The following HTT variants were observed in gnomAD, a reference collection of about 807,000 sequenced individuals.
HTT encodes huntington disease protein.
HTT carries 104 observed loss-of-function variants against 362.3 expected under a neutral mutation model. That is an observed-to-expected ratio of 0.29 (90% CI 0.24 to 0.34). The LOEUF is 0.34. HTT is among the 10% of genes least tolerant of loss of function. The pLI is 1.00. For synonymous variants in HTT, 1,577 were observed against 1,548.7 expected, an observed-to-expected ratio of 1.02 and a Z score of -0.43; for missense variants, 3,301 against 3,928.6, an observed-to-expected ratio of 0.84 and a Z score of 4.27.
intron 1 of HTT, among the ~76,000 whole-genome samples, chr4:3,079,059 G>A (rs895496373): frequency 2.6e-5 from 4 of 151,552 alleles, no homozygotes; most frequent in African/African-American, 7.3e-5. Context: ...CCACGCCTGG[G>A]TAATTTTTGT....
At chr4:3,219,839 C>T (rs572926328) in intron 52 of HTT, among the ~76,000 whole-genome samples, 15 of 152,318 alleles carry the variant, frequency 9.8e-5, no homozygotes, top group Admixed American at 4.6e-4. Context: ...CCTCATTGAA[C>T]GCCTGCCTTT....
rs1553909034 is a variant in HTT at position 3,074,933 on chromosome 4, G to GCAGCAGCAGCAGCAGCAA, written c.110_111insGCAGCAGCAGCAGCAACA (p.Gln33_Gln38dup). The stretch of plus-strand genomic sequence containing the variant: ...AGCAGCAGCAGCAGCAGCAGCAGCA[G>GCAGCAGCAGCAGCAGCAA]CAACAGCCGCCACCGCCGCCGCCGC... On this transcript the variant is annotated inframe_insertion, in exon 1 of 67. Coordinates refer to ENST00000355072, the MANE Select transcript of HTT (RefSeq NM_001388492.1). 2.2e-5 allele frequency: 32 copies of GCAGCAGCAGCAGCAGCAA among 1,443,944 alleles called. No homozygotes were observed. The highest frequency in any genetic ancestry group is 4.4e-5 in the Admixed American group (2 of 45,378). 89.4% of individuals were successfully genotyped at this position (1,443,944 alleles called of 1,614,324 possible).
At chr4:3,167,565 A>G (rs1284513858) in intron 29 of HTT, among the ~76,000 whole-genome samples, 5 of 152,168 alleles carry the variant, frequency 3.3e-5, no homozygotes, top group African/African-American at 1.2e-4. Context: ...TCTTTTTTGT[A>G]TGTGGGTTTT....
At chr4:3,122,002 G>A (rs1715319089) in intron 9 of HTT, among the ~76,000 whole-genome samples, 1 of 152,222 alleles carries the variant, frequency 6.6e-6, no homozygotes, top group African/African-American at 2.4e-5. Context: ...GCTGAGAAAT[G>A]AAAACAGTAG....
chr4:3,075,558 T>C lies in HTT; in HGVS notation c.263+470T>C, dbSNP rs529134672. On this transcript the variant is annotated intron_variant, in intron 1 of 66. Coordinates refer to ENST00000355072, the MANE Select transcript of HTT (RefSeq NM_001388492.1). ...GAAGAGGGCTGGGGGCGCGGGACAC[T>C]TCGAGAGGAGGCGGGGTTTGGAGCT... 2.4e-4 allele frequency among the ~76,000 whole-genome samples: 36 copies of C among 150,344 alleles called. 1 individual carries two copies. The highest frequency in any genetic ancestry group is 2.2e-3 in the Admixed American group (33 of 14,988).
rs536058610 is a variant in HTT, at chr4:3,243,734, G to A, written c.*3675G>A. The A allele has an allele frequency of 3.9e-5, 6 of 152,384 alleles. No individual in the cohort carries two copies. The East Asian group carries it at 1.2e-3, about 29-fold the overall frequency. The allele number at this position is 152,384 out of a possible 1,614,324, so 9.4% of individuals were successfully genotyped here. A position where few individuals can be genotyped will look rare whatever the true frequency, so the allele number is the denominator to read the frequency against. On this transcript the variant is annotated 3_prime_UTR_variant, in exon 67 of 67. Coordinates refer to ENST00000355072, the MANE Select transcript of HTT (RefSeq NM_001388492.1). ...GAGGGTGGGCTCTGACCCAAGTGGG[G>A]CCTCCTTGTCCAGGTCTCACTGCTT...
In HTT at chr4:3,229,966, T is replaced by C; in HGVS notation, c.8189T>C (p.Val2730Ala). 6.2e-7 allele frequency: 1 copy of C among 1,613,978 alleles called. No individual in the cohort carries two copies. Among genetic ancestry groups the C allele is most frequent in the Non-Finnish European group, 8.5e-7 (1 of 1,179,920 alleles). ...GTGACGCTGACAGAACTGCGAAGGG[T>C]GCACCCTTCAGAAGACGAGATCCTC... ...MYVTLTELRRVHPSEDEILAQ... is the reference protein window; with the variant it reads ...MYVTLTELRRAHPSEDEILAQ... The change falls in exon 60 of 67, where the codon GTG (valine) becomes GCG (alanine). Residue 2730 changes from valine (V) to alanine (A), a missense_variant. Coordinates refer to ENST00000355072, the MANE Select transcript of HTT (RefSeq NM_001388492.1).
At chr4:3,086,281 GC>G (rs1417576405) in intron 1 of HTT, among the ~76,000 whole-genome samples, 3 of 152,214 alleles carry the variant, frequency 2.0e-5, no homozygotes, top group African/African-American at 7.2e-5. Context: ...GAGATTTAAA[GC>G]CAGAAGACCT....
At chr4:3,075,398 C>A (rs1712466594) in intron 1 of HTT, among the ~76,000 whole-genome samples, 1 of 152,230 alleles carries the variant, frequency 6.6e-6, no homozygotes, top group Non-Finnish European at 1.5e-5. Context: ...TCGCAGGATG[C>A]GAAGAGTTGG....
At chr4:3,235,889 G>T in intron 63 of HTT, 111 bp downstream of exon 63, 1 of 890,974 alleles carries the variant, frequency 1.1e-6, no homozygotes, top group Non-Finnish European at 1.8e-6. Context: ...CACACTTCTG[G>T]TGTTGCCCCA....
intron 64 of HTT, among the ~76,000 whole-genome samples, 167 bp downstream of exon 64, chr4:3,236,421 C>T (rs560724992): frequency 7.2e-5 from 11 of 152,306 alleles, no homozygotes; most frequent in African/African-American, 1.7e-4. Flanking sequence ...GTTCCACTGG[C>T]GAGCTGGTGG....
chr4:3,157,473 G>C (rs949026640), intron 28 of HTT, among the ~76,000 whole-genome samples: 1 of 152,210 alleles, frequency 6.6e-6, no homozygotes, highest in African/African-American at 2.4e-5. Flanking sequence ...AGTGGCCCTG[G>C]TGGAGTCTGG....
At chr4:3,219,587 G>T (rs1720581646) in intron 52 of HTT, among the ~76,000 whole-genome samples, 1 of 152,164 alleles carries the variant, frequency 6.6e-6, no homozygotes. Context: ...GTGCAGATGG[G>T]CTGTGGGAAT....
At chr4:3,210,708 C>T (rs1055576975) in intron 47 of HTT, among the ~76,000 whole-genome samples, 5 of 152,048 alleles carry the variant, frequency 3.3e-5, no homozygotes, top group African/African-American at 9.7e-5. Context: ...TTTAGCCCTG[C>T]GTTGATATGC....
chr4:3,084,436 C>T (rs886186499), intron 1 of HTT, among the ~76,000 whole-genome samples: 3 of 152,052 alleles, frequency 2.0e-5, no homozygotes, highest in African/African-American at 7.2e-5. Context: ...TGCCTGTAAT[C>T]CCAGCACTTT....
At chr4:3,213,464 T>C (rs187388219) in intron 49 of HTT, among the ~76,000 whole-genome samples, 96 of 152,376 alleles carry the variant, frequency 6.3e-4, no homozygotes, top group Non-Finnish European at 1.2e-3. Context: ...CCCTGTGAGA[T>C]AGGCTCTGTT....
At chr4:3,145,431 T>G (rs1716552735) in intron 24 of HTT, among the ~76,000 whole-genome samples, 1 of 152,246 alleles carries the variant, frequency 6.6e-6, no homozygotes, top group Non-Finnish European at 1.5e-5. Context: ...CCAAATGTTC[T>G]TAGGCATTGA....
intron 34 of HTT, 113 bp downstream of exon 34, chr4:3,177,500 A>T (rs1385403381): frequency 1.5e-5 from 10 of 687,538 alleles, no homozygotes; most frequent in Non-Finnish European, 2.4e-5. Context: ...TGTTTTCTTT[A>T]AATGGAAATC....
In HTT at chr4:3,169,698, C is replaced by T. The variant is rs533217822; in HGVS notation, c.3865-2622C>T. ...AAGCAATTCTTCTGCCTCAGCCTCC[C>T]GAGTAGCTGGGACTATAGGCACGTG... On this transcript the variant is annotated intron_variant, in intron 29 of 66. Transcript: ENST00000355072. Among the ~76,000 whole-genome samples, 62 of 151,954 alleles carry T rather than the reference C, an allele frequency of 4.1e-4. No individual in the cohort carries two copies. In the South Asian group the frequency reaches 0.011, roughly 27 times the overall value.
Sources: allele counts gnomAD v4.1 joint callset (sites outside exome capture counted in the v4.1 genomes callset), GRCh38; gene constraint gnomAD v4.1.1; transcripts MANE v1.5; gene names NCBI Gene and HGNC (gene_info 2026-07-23, HGNC 2026-07-21).